FER: variants seen among roughly 807,000 people sequenced by gnomAD.
FER encodes tyrosine-protein kinase Fer.
A neutral mutation model predicts 111.0 loss-of-function variants in FER; 63 were observed. That is an observed-to-expected ratio of 0.57 (90% CI 0.46 to 0.70). The LOEUF (loss-of-function observed/expected upper bound fraction) is 0.70, where lower values mean the gene tolerates loss of function less well. Ranked by LOEUF, FER falls within the 30% of genes least tolerant of loss-of-function variation. The pLI is 0.00. For synonymous variants in FER, 327 were observed against 313.9 expected, an observed-to-expected ratio of 1.04 and a Z score of -0.44; for missense variants, 914 against 954.0, an observed-to-expected ratio of 0.96 and a Z score of 0.55.
At chr5:108,925,067 T>C (rs1273947877) in intron 10 of FER, among the ~76,000 whole-genome samples, 1 of 151,884 alleles carries the variant, frequency 6.6e-6, no homozygotes, top group East Asian at 1.9e-4. Context: ...AATATGTCCT[T>C]TCCAGTATTT....
At chr5:108,983,147 G>T (rs976861101) in intron 13 of FER, among the ~76,000 whole-genome samples, 12 of 151,952 alleles carry the variant, frequency 7.9e-5, no homozygotes, top group African/African-American at 2.9e-4. Context: ...GAGATGCTAT[G>T]ACAATATGGA....
intron 17 of FER, among the ~76,000 whole-genome samples, chr5:109,158,096 G>A (rs1386720276): frequency 3.9e-5 from 6 of 152,024 alleles, no homozygotes; most frequent in East Asian, 3.9e-4. Flanking sequence ...TTTTAAATAG[G>A]CTGGGCACGG....
At chr5:108,859,375 C>T (rs1271086276) in intron 5 of FER, among the ~76,000 whole-genome samples, 1 of 152,126 alleles carries the variant, frequency 6.6e-6, no homozygotes, top group Non-Finnish European at 1.5e-5. Context: ...CACCCACCTC[C>T]AACCAACCCA....
chr5:109,025,604 C>G (rs1768599292), intron 13 of FER, among the ~76,000 whole-genome samples: 1 of 149,658 alleles, frequency 6.7e-6, no homozygotes, highest in Non-Finnish European at 1.5e-5. Context: ...TAATTGAATA[C>G]CCTTTATTTC....
At chr5:108,863,298 T>G (rs1481042782) in intron 5 of FER, among the ~76,000 whole-genome samples, 1 of 152,106 alleles carries the variant, frequency 6.6e-6, no homozygotes, top group Non-Finnish European at 1.5e-5. Context: ...TGTTTTGTAT[T>G]TTAGTAGAGA....
intron 17 of FER, among the ~76,000 whole-genome samples, chr5:109,155,180 G>T (rs1256335898): frequency 6.6e-6 from 1 of 151,838 alleles, no homozygotes; most frequent in Non-Finnish European, 1.5e-5. Context: ...ATGTGCTCGG[G>T]AATGAAGAAC....
rs143809191 is a variant in FER at position 109,142,162 on chromosome 5, G to A, written c.2049-38585G>A. Among the ~76,000 whole-genome samples the A allele has an allele frequency of 4.3e-3, 648 of 152,292 alleles. 5 individuals are homozygous for A. The highest frequency in any genetic ancestry group is 0.014 in the African/African-American group (602 of 41,558). On this transcript the variant is annotated intron_variant, in intron 17 of 19. Transcript: ENST00000281092. ...GATAGAGTGGGAAGGAGGATACAGAGACTGCCATAAAAACCTGTTCATGTT... is the reference window on the plus strand; with the variant it reads ...GATAGAGTGGGAAGGAGGATACAGAAACTGCCATAAAAACCTGTTCATGTT...
chr5:109,013,253 CGA>C (rs1766555300), intron 13 of FER, among the ~76,000 whole-genome samples: 3 of 124,586 alleles, frequency 2.4e-5, no homozygotes, highest in Non-Finnish European at 4.9e-5. Flanking sequence ...CAACAGTCCC[CGA>C]AGTGTGATGT....
chr5:108,956,833 T>C (rs1758494262), intron 12 of FER, among the ~76,000 whole-genome samples: 1 of 151,532 alleles, frequency 6.6e-6, no homozygotes, highest in African/African-American at 2.4e-5. Context: ...AATTATCCTA[T>C]TAATTGCCTC....
chr5:108,929,314 C>T (rs1754232591), intron 10 of FER, among the ~76,000 whole-genome samples: 1 of 152,006 alleles, frequency 6.6e-6, no homozygotes, highest in African/African-American at 2.4e-5. Context: ...TCCTCTGTTC[C>T]AGAATGTGTT....
At chr5:109,026,569 T>C (rs1477232911) in intron 13 of FER, among the ~76,000 whole-genome samples, 1 of 152,146 alleles carries the variant, frequency 6.6e-6, no homozygotes, top group Admixed American at 6.6e-5. Flanking sequence ...AGGGAGATAA[T>C]GAAGCAGGCT....
intron 13 of FER, among the ~76,000 whole-genome samples, chr5:108,960,953 T>G (rs1163495746): frequency 6.6e-6 from 1 of 152,158 alleles, no homozygotes; most frequent in Non-Finnish European, 1.5e-5. Context: ...CTGGGGGTAG[T>G]GGCACATGCC....
At chr5:108,888,164 C>T (rs935824347) in intron 9 of FER, among the ~76,000 whole-genome samples, 1 of 151,666 alleles carries the variant, frequency 6.6e-6, no homozygotes, top group Admixed American at 6.6e-5. Context: ...GAATAGTGTT[C>T]TAGTTTTGAA....
Position 108,867,943 on chromosome 5 carries a change from AAAGCACTGT to A in FER, c.662_665+5del. 6.2e-7 allele frequency: 1 copy of A among 1,604,172 alleles called. No individual in the cohort carries two copies. ...ACAAAAGATGCAAGAAGAAATGATA[AAAGCACTGT>A]AAGATACATTTTCTTTTTATCATAA... On this transcript the variant is annotated splice_donor_variant and coding_sequence_variant, in exon 6 of 20. Coordinates refer to ENST00000281092, the MANE Select transcript of FER (RefSeq NM_005246.4). LOFTEE classifies it high-confidence loss of function.
chr5:109,137,680 A>G (rs1367629638), intron 17 of FER, among the ~76,000 whole-genome samples: 2 of 152,200 alleles, frequency 1.3e-5, no homozygotes, highest in African/African-American at 4.8e-5. Context: ...GAAGGTAGAA[A>G]GATAGGCGGG....
chr5:108,752,469 G>A (rs942814028), intron 1 of FER, among the ~76,000 whole-genome samples: 6 of 151,956 alleles, frequency 3.9e-5, no homozygotes, highest in African/African-American at 1.4e-4. Context: ...ACTTGAGGCT[G>A]TTACCTTAAA....
chr5:109,060,259 T>C (rs1774216052), intron 16 of FER, among the ~76,000 whole-genome samples: 1 of 152,132 alleles, frequency 6.6e-6, no homozygotes, highest in South Asian at 2.1e-4. Flanking sequence ...ATAAGCTGGG[T>C]AGAATTTACA....
At chr5:109,071,997 A>G (rs1208977413) in intron 16 of FER, among the ~76,000 whole-genome samples, 2 of 151,840 alleles carry the variant, frequency 1.3e-5, no homozygotes, top group Admixed American at 1.3e-4. Flanking sequence ...AGTGTGCGTT[A>G]TGTTACGAAC....
At chr5:108,829,907 CAG>C (rs370401546) in intron 3 of FER, among the ~76,000 whole-genome samples, 5 of 152,116 alleles carry the variant, frequency 3.3e-5, no homozygotes, top group African/African-American at 1.2e-4. Flanking sequence ...AAGAGTAAGA[CAG>C]AATAGCAAGG....
Sources: gnomAD v4.1 joint callset for allele counts (sites outside exome capture counted in the v4.1 genomes callset) on GRCh38, gnomAD v4.1.1 for gene constraint, MANE v1.5 for transcripts, NCBI Gene and HGNC (gene_info 2026-07-23, HGNC 2026-07-21) for gene names.